Variants in LRCH3 observed in about 807,000 individuals in gnomAD.
LRCH3 encodes DISP complex protein LRCH3.
Under a neutral mutation model 104.5 loss-of-function variants are expected in LRCH3, and 68 were observed. That is an observed-to-expected ratio of 0.65 (90% confidence interval 0.54 to 0.80). The LOEUF is 0.80. LRCH3 is among the 30% of genes least tolerant of loss of function. The pLI, the probability that LRCH3 is intolerant of heterozygous loss-of-function variation, is 0.00. For missense variants in LRCH3, 951 were observed against 953.9 expected, an observed-to-expected ratio of 1.00 and a Z score of 0.04; for synonymous variants, 344 against 361.3, an observed-to-expected ratio of 0.95 and a Z score of 0.54.
intron 3 of LRCH3, 40 bp downstream of exon 3, chr3:197,817,342 G>GCGTGTGTGTGTGTGTGTGTC: frequency 3.2e-6 from 1 of 307,908 alleles, no homozygotes; most frequent in Non-Finnish European, 4.5e-6. Context: ...GTGTGTGTGT[G>GCGTGTGTGTGTGTGTGTGTC]TGTCTGTGTG....
chr3:197,808,112 A>G (rs951804274), intron 1 of LRCH3, among the ~76,000 whole-genome samples: 1 of 152,190 alleles, frequency 6.6e-6, no homozygotes, highest in Admixed American at 6.5e-5. Flanking sequence ...TGGAGGTAGT[A>G]CTTTTAAAGA....
intron 1 of LRCH3, among the ~76,000 whole-genome samples, chr3:197,803,665 A>G (rs1404729314): frequency 6.6e-6 from 1 of 152,092 alleles, no homozygotes; most frequent in African/African-American, 2.4e-5. Context: ...ACTGTTTAAA[A>G]AAAAAAAAAG....
chr3:197,877,811 A>G (rs1345077472), intron 20 of LRCH3, among the ~76,000 whole-genome samples: 1 of 152,074 alleles, frequency 6.6e-6, no homozygotes, highest in Non-Finnish European at 1.5e-5. Context: ...AAATTTACAT[A>G]AAGTGGTAGT....
At chr3:197,879,417 T>C (rs113710328) in intron 20 of LRCH3, among the ~76,000 whole-genome samples, 14,573 of 150,716 alleles carry the variant, frequency 0.097, 2,103 homozygotes, top group African/African-American at 0.32. Context: ...GAGGCCGAGG[T>C]GGGCGGATCA....
chr3:197,859,062 T>G (rs1364795251), intron 15 of LRCH3, 157 bp downstream of exon 15: 12 of 644,292 alleles, frequency 1.9e-5, no homozygotes, highest in Non-Finnish European at 5.5e-6. Flanking sequence ...TCCCTTGAAA[T>G]TTTTTGAAAG....
chr3:197,863,801 C>T (rs541473681), intron 15 of LRCH3, among the ~76,000 whole-genome samples: 3 of 152,160 alleles, frequency 2.0e-5, no homozygotes, highest in Non-Finnish European at 4.4e-5. Context: ...CTCTCCTAAC[C>T]GAAATTAGGA....
chr3:197,807,638 A>G (rs961140348), intron 1 of LRCH3, among the ~76,000 whole-genome samples: 7 of 151,788 alleles, frequency 4.6e-5, no homozygotes, highest in African/African-American at 1.5e-4. Context: ...CTGCCATTTT[A>G]TTTGTTGTTT....
chr3:197,845,638 C>T (rs1039766628), intron 10 of LRCH3, among the ~76,000 whole-genome samples: 2 of 151,752 alleles, frequency 1.3e-5, no homozygotes, highest in Non-Finnish European at 2.9e-5. Context: ...GGCATGGTGG[C>T]TCACACCTGT....
At chr3:197,879,479 T>C (rs1027638813) in intron 20 of LRCH3, among the ~76,000 whole-genome samples, 4 of 150,950 alleles carry the variant, frequency 2.6e-5, no homozygotes, top group Admixed American at 6.6e-5. Flanking sequence ...ACCCCGTCTC[T>C]ACTAAAAATA....
chr3:197,880,595 A>G (rs1713670041), intron 20 of LRCH3: 1 of 1,536,622 alleles, frequency 6.5e-7, no homozygotes, highest in Non-Finnish European at 8.7e-7. Context: ...CTCTTGGGGC[A>G]CACTCAGAAG....
intron 1 of LRCH3, 80 bp from the exon 2 acceptor site, chr3:197,814,828 A>G: frequency 7.5e-6 from 9 of 1,206,700 alleles, no homozygotes; most frequent in Non-Finnish European, 9.2e-6. Flanking sequence ...TTTATTTTTT[A>G]GTTTATGTGG....
At chr3:197,865,339 C>T in intron 15 of LRCH3, 84 bp from the exon 16 acceptor site, 1 of 1,025,772 alleles carries the variant, frequency 9.7e-7, no homozygotes. Flanking sequence ...TGTTTTTTGT[C>T]TTTTATAATT....
chr3:197,881,255 T>G (rs941142860), intron 20 of LRCH3: 8 of 997,378 alleles, frequency 8.0e-6, no homozygotes, highest in Non-Finnish European at 8.4e-6. Context: ...GCTTTGTCGG[T>G]AGGCACAGGT....
chr3:197,877,946 A>G (rs140344070), intron 20 of LRCH3, among the ~76,000 whole-genome samples: 55 of 152,320 alleles, frequency 3.6e-4, no homozygotes, highest in African/African-American at 1.2e-3. Context: ...AGCACTGAAT[A>G]TGGTTTCTGA....
Position 197,832,272 on chromosome 3 carries a change from C to T in LRCH3, c.1057C>T (p.Gln353Ter), listed in dbSNP as rs1176236677. The T allele has an allele frequency of 6.2e-7, 1 of 1,613,946 alleles. No individual in the cohort carries two copies. The highest frequency in any genetic ancestry group is 1.1e-5 in the South Asian group (1 of 91,068). Reference sequence around the variant, plus strand: ...AGAACAAAGACTACGAAGAGAAAGCCAGTACCAAGAGAACCGCGGCAGTTT... The same window carrying T: ...AGAACAAAGACTACGAAGAGAAAGCTAGTACCAAGAGAACCGCGGCAGTTT... ...TKEQRLRRES[Q>*]YQENRGSLVV... is the part of the protein sequence containing the mutation. Residue 353 changes from glutamine to a stop codon, truncating the protein, a stop_gained, in exon 8 of 21, where the codon CAG becomes TAG. Coordinates refer to ENST00000425562, the MANE Select transcript of LRCH3 (RefSeq NM_001365715.1). LOFTEE classifies it high-confidence loss of function.
rs187630830 is a variant in LRCH3, at chr3:197,825,918, A to T, written c.641-960A>T. Reference sequence around the variant, plus strand: ...TCTACAAACTCATTCTGTGATTTTTAAAAAATATTCCTTTTATGTTTCAGT... The same window carrying T: ...TCTACAAACTCATTCTGTGATTTTTTAAAAATATTCCTTTTATGTTTCAGT... On this transcript the variant is annotated intron_variant, in intron 4 of 20. Transcript: ENST00000425562. Among the ~76,000 whole-genome samples, 638 of 145,842 alleles carry T rather than the reference A, an allele frequency of 4.4e-3. 1 individual carries two copies. The highest frequency in any genetic ancestry group is 0.024 in the Middle Eastern group (7 of 290).
chr3:197,854,978 A>G lies in LRCH3; in HGVS notation c.1644+533A>G, dbSNP rs574999000. Among the ~76,000 whole-genome samples the G allele has an allele frequency of 1.3e-5, 2 of 152,350 alleles. No individual in the cohort carries two copies. The highest frequency in any genetic ancestry group is 2.1e-4 in the South Asian group (1 of 4,832). On this transcript the variant is annotated intron_variant, in intron 14 of 20. Coordinates refer to ENST00000425562, the MANE Select transcript of LRCH3 (RefSeq NM_001365715.1). The surrounding 1 kb of genome is among the most constrained non-coding windows in gnomAD (Gnocchi z 4.5). Reference sequence around the variant, plus strand: ...TGCTGATCGTGTTGAACACTGGCTTACTTTTATTGCCTGTTTCATCAGCTC... The same window carrying G: ...TGCTGATCGTGTTGAACACTGGCTTGCTTTTATTGCCTGTTTCATCAGCTC...
chr3:197,829,525 T>C (rs374816805), intron 5 of LRCH3, 39 bp from the exon 6 acceptor site: 57 of 1,319,182 alleles, frequency 4.3e-5, no homozygotes, highest in Non-Finnish European at 6.0e-5. Flanking sequence ...ATACTTCAGA[T>C]GAGTAATAAT....
At chr3:197,841,976 G>A (rs1056932759) in intron 10 of LRCH3, among the ~76,000 whole-genome samples, 2 of 152,000 alleles carry the variant, frequency 1.3e-5, no homozygotes, top group African/African-American at 4.8e-5. Context: ...GCAACTTCAG[G>A]CGTGTGCTAC....
Sources: gnomAD v4.1 joint callset for allele counts (sites outside exome capture counted in the v4.1 genomes callset) on GRCh38, gnomAD v4.1.1 for gene constraint, Gnocchi (gnomAD v3.1) non-coding constraint, MANE v1.5 for transcripts, NCBI Gene and HGNC (gene_info 2026-07-23, HGNC 2026-07-21) for gene names.